ZNF804B: variants seen among roughly 807,000 people sequenced by gnomAD.
The protein encoded by ZNF804B is zinc finger 804B.
ZNF804B carries 80 observed loss-of-function variants against 101.4 expected under a neutral mutation model. The ratio of observed to expected loss-of-function variants is 0.79; its 90% confidence interval spans 0.66 to 0.95. The LOEUF is 0.95. Ranked by LOEUF, ZNF804B falls within the 40% of genes least tolerant of loss-of-function variation. The pLI is 0.00. For missense variants in ZNF804B, 1,673 were observed against 1,561.9 expected (o/e 1.07, Z -1.20); for synonymous variants, 622 against 558.8 (o/e 1.11, Z -1.59).
intron 2 of ZNF804B, among the ~76,000 whole-genome samples, chr7:89,304,700 G>C (rs38929): frequency 0.52 from 79,450 of 151,648 alleles, 21,338 homozygotes; most frequent in East Asian, 0.79. Context: ...AATTCAAACA[G>C]TCAGCTATGT....
chr7:89,249,350 A>C (rs1251288378), intron 2 of ZNF804B, among the ~76,000 whole-genome samples: 1 of 152,216 alleles, frequency 6.6e-6, no homozygotes, highest in Non-Finnish European at 1.5e-5. Flanking sequence ...CTGCACATAG[A>C]TCATACACCA....
At chr7:89,000,600 C>A (rs1266943962) in intron 1 of ZNF804B, among the ~76,000 whole-genome samples, 1 of 151,798 alleles carries the variant, frequency 6.6e-6, no homozygotes, top group East Asian at 1.9e-4. Context: ...ATTTATCTTC[C>A]AACTGAAAGT....
rs78330462 is a variant in ZNF804B at position 89,262,810 on chromosome 7, A to G, written c.249+44515A>G. Among the ~76,000 whole-genome samples the G allele has an allele frequency of 8.9e-3, 1,353 of 152,270 alleles. 25 individuals carry two copies. The highest frequency in any genetic ancestry group is 0.031 in the African/African-American group (1,282 of 41,554). ...AAAATCTCTAATAATTTCTTATTGT[A>G]CAATTGCTTAGTCTTATATAGGTAT... On this transcript the variant is annotated intron_variant, in intron 2 of 3. Coordinates refer to ENST00000333190, the MANE Select transcript of ZNF804B (RefSeq NM_181646.5).
chr7:88,995,645 C>T (rs1788178260), intron 1 of ZNF804B, among the ~76,000 whole-genome samples: 1 of 151,938 alleles, frequency 6.6e-6, no homozygotes, highest in Non-Finnish European at 1.5e-5. Flanking sequence ...CATAACTCCT[C>T]ACTCTTTAAG....
chr7:89,204,005 G>A (rs1788682458), intron 1 of ZNF804B, among the ~76,000 whole-genome samples: 2 of 152,088 alleles, frequency 1.3e-5, no homozygotes, highest in South Asian at 4.2e-4. Context: ...CAATTCCCAA[G>A]GAAAGGTGAA....
rs1356871136 is a variant in ZNF804B, at chr7:89,110,373, A to G, written c.109-107782A>G. ...TTGCAATTTAAAAACATCATTTTGG[A>G]AGCAATGTGGTAGATGGGTTTGAGT... On this transcript the variant is annotated intron_variant, in intron 1 of 3. Coordinates refer to ENST00000333190, the MANE Select transcript of ZNF804B (RefSeq NM_181646.5). 3.9e-5 allele frequency among the ~76,000 whole-genome samples: 6 copies of G among 152,288 alleles called. No individual in the cohort carries two copies. In the East Asian group the frequency reaches 1.2e-3, roughly 29 times the overall value.
chr7:89,078,048 A>C (rs1395434828), intron 1 of ZNF804B, among the ~76,000 whole-genome samples: 1 of 152,124 alleles, frequency 6.6e-6, no homozygotes, highest in Non-Finnish European at 1.5e-5. Context: ...CTAATTAAAA[A>C]ATTCTATGGC....
chr7:88,857,822 C>CTTTTTTTTTTTTTTTTTTTTTT (rs55841922), intron 1 of ZNF804B, among the ~76,000 whole-genome samples: 6 of 81,422 alleles, frequency 7.4e-5, no homozygotes, highest in African/African-American at 1.6e-4. Flanking sequence ...CCTTTCTTTT[C>CTTTTTTTTTTTTTTTTTTTTTT]TTTTTTTTTT....
chr7:89,301,091 T>G (rs1266390675), intron 2 of ZNF804B, among the ~76,000 whole-genome samples: 2 of 140,820 alleles, frequency 1.4e-5, no homozygotes, highest in Admixed American at 1.5e-4. Context: ...TTGGAATTTT[T>G]CAAGCGTGTT....
Position 88,973,255 on chromosome 7 carries a change from T to A in ZNF804B, c.108+213171T>A, listed in dbSNP as rs1013128137. On this transcript the variant is annotated intron_variant, in intron 1 of 3. Coordinates refer to ENST00000333190, the MANE Select transcript of ZNF804B (RefSeq NM_181646.5). ...CCTTAAGTGATATAAAGCTATTGTC[T>A]CTGGGGAGAAAACTTGTATCCCTGT... 1.4e-4 allele frequency among the ~76,000 whole-genome samples: 21 copies of A among 151,184 alleles called. No homozygotes were observed. In the South Asian group the frequency reaches 1.7e-3, roughly 12 times the overall value.
At chr7:89,022,837 A>G (rs1035507710) in intron 1 of ZNF804B, among the ~76,000 whole-genome samples, 6 of 152,220 alleles carry the variant, frequency 3.9e-5, no homozygotes, top group African/African-American at 7.2e-5. Context: ...AAATGCAACT[A>G]GAAGGGAAAA....
At chr7:88,830,382 A>G (rs1265714436) in intron 1 of ZNF804B, among the ~76,000 whole-genome samples, 3 of 152,090 alleles carry the variant, frequency 2.0e-5, no homozygotes, top group Non-Finnish European at 2.9e-5. Flanking sequence ...TATATAGACA[A>G]ATACAAATCA....
At chr7:88,939,489 T>A (rs1793025476) in intron 1 of ZNF804B, among the ~76,000 whole-genome samples, 1 of 151,846 alleles carries the variant, frequency 6.6e-6, no homozygotes, top group Admixed American at 6.6e-5. Context: ...AGCTTACTTG[T>A]CAAAAGAGGA....
chr7:89,199,751 C>A (rs1168638552), intron 1 of ZNF804B, among the ~76,000 whole-genome samples: 1 of 151,572 alleles, frequency 6.6e-6, no homozygotes, highest in Non-Finnish European at 1.5e-5. Flanking sequence ...CTACTGGCAT[C>A]TTTCTATTTT....
chr7:88,982,748 T>C (rs1040081975), intron 1 of ZNF804B, among the ~76,000 whole-genome samples: 17 of 152,170 alleles, frequency 1.1e-4, no homozygotes, highest in Middle Eastern at 3.4e-3. Context: ...AGGGGAACAG[T>C]ATTCAACCTA....
At chr7:88,820,214 A>C (rs1241529019) in intron 1 of ZNF804B, among the ~76,000 whole-genome samples, 1 of 152,240 alleles carries the variant, frequency 6.6e-6, no homozygotes, top group African/African-American at 2.4e-5. Context: ...GCCAGCCTGT[A>C]CTTCATGATA....
At chr7:89,242,119 A>T (rs1584078024) in intron 2 of ZNF804B, among the ~76,000 whole-genome samples, 3 of 152,020 alleles carry the variant, frequency 2.0e-5, no homozygotes, top group Admixed American at 2.0e-4. Context: ...CTGTTAACTT[A>T]TTTATCTCAT....
intron 1 of ZNF804B, among the ~76,000 whole-genome samples, chr7:88,771,696 CAT>C (rs1430042151): frequency 2.0e-5 from 3 of 151,998 alleles, no homozygotes; most frequent in African/African-American, 2.4e-5. Context: ...GCTAATAAAA[CAT>C]ATATATTATA....
At chr7:89,075,466 G>A (rs1019718259) in intron 1 of ZNF804B, among the ~76,000 whole-genome samples, 4 of 152,168 alleles carry the variant, frequency 2.6e-5, no homozygotes, top group Non-Finnish European at 4.4e-5. Flanking sequence ...CTTCCATGTG[G>A]TGTTGAGCCT....
Sources: gnomAD v4.1 joint callset for allele counts (sites outside exome capture counted in the v4.1 genomes callset) on GRCh38, gnomAD v4.1.1 for gene constraint, MANE v1.5 for transcripts, NCBI Gene and HGNC (gene_info 2026-07-23, HGNC 2026-07-21) for gene names.